The following CRACR2A variants were observed in gnomAD, a reference collection of about 807,000 sequenced individuals.
CRACR2A encodes the protein EF-hand calcium-binding domain-containing protein 4B.
In CRACR2A, 79 loss-of-function variants were observed where a neutral mutation model predicts 90.5. The observed-to-expected ratio is 0.87, with a 90% CI of 0.73 to 1.05. The LOEUF (loss-of-function observed/expected upper bound fraction) is 1.05. Among genes scored for constraint, CRACR2A ranks in the 50% least tolerant of loss-of-function variants. CRACR2A has a pLI of 0.00. For synonymous variants in CRACR2A, 338 were observed against 356.7 expected (o/e 0.95, Z 0.59); for missense variants, 823 against 897.2 (o/e 0.92, Z 1.06).
chr12:3,677,725 C>T (rs539122289), intron 6 of CRACR2A, among the ~76,000 whole-genome samples: 3 of 152,224 alleles, frequency 2.0e-5, no homozygotes, highest in East Asian at 1.9e-4. Flanking sequence ...CTGCCAGCTA[C>T]ACCTTCTGTG....
chr12:3,630,689 AG>A (rs1350223424), intron 15 of CRACR2A, among the ~76,000 whole-genome samples: 1 of 152,212 alleles, frequency 6.6e-6, no homozygotes, highest in Non-Finnish European at 1.5e-5. Context: ...ACCATTCCCA[AG>A]GTTCCTTCCA....
intron 4 of CRACR2A, 32 bp from the exon 5 acceptor site, chr12:3,680,381 C>G (rs751093846): frequency 5.1e-6 from 8 of 1,567,930 alleles, no homozygotes; most frequent in Admixed American, 1.7e-5. Context: ...CTGGTTAACA[C>G]TGACACTCAC....
chr12:3,663,720 T>C (rs1407680990), intron 7 of CRACR2A, among the ~76,000 whole-genome samples: 1 of 152,222 alleles, frequency 6.6e-6, no homozygotes, highest in Non-Finnish European at 1.5e-5. Context: ...GAGCTGACTA[T>C]TACCTCTCTT....
chr12:3,699,953 T>C (rs1039478712), intron 3 of CRACR2A, among the ~76,000 whole-genome samples: 1 of 152,144 alleles, frequency 6.6e-6, no homozygotes, highest in Non-Finnish European at 1.5e-5. Flanking sequence ...AGAAAAGATG[T>C]AGTATCAGAG....
At chr12:3,728,318 C>A (rs241973) in intron 2 of CRACR2A, 36,869 of 152,268 alleles carry the variant, frequency 0.24, 4,601 homozygotes, top group South Asian at 0.29. Flanking sequence ...CCTCCCCAAC[C>A]CCTCTGCCCG....
At chr12:3,736,934 C>T (rs537770197) in intron 1 of CRACR2A, among the ~76,000 whole-genome samples, 3 of 152,314 alleles carry the variant, frequency 2.0e-5, no homozygotes, top group East Asian at 3.9e-4. Flanking sequence ...TTCACAGATG[C>T]ATTCTCCAAT....
chr12:3,720,402 G>A (rs1281463728), intron 2 of CRACR2A, among the ~76,000 whole-genome samples: 5 of 60,412 alleles, frequency 8.3e-5, no homozygotes, highest in East Asian at 6.0e-4. Context: ...GGGGAGGGAC[G>A]GAGTGAGAGA....
At chr12:3,696,004 A>G (rs190447787) in intron 4 of CRACR2A, among the ~76,000 whole-genome samples, 5 of 152,350 alleles carry the variant, frequency 3.3e-5, no homozygotes, top group Admixed American at 3.3e-4. Context: ...ACATTTTTAA[A>G]TGGTCAAAAA....
At chr12:3,622,749 T>C (rs1357431157) in intron 17 of CRACR2A, among the ~76,000 whole-genome samples, 1 of 152,124 alleles carries the variant, frequency 6.6e-6, no homozygotes, top group African/African-American at 2.4e-5. Context: ...TTTCAGCACA[T>C]TAAAGCATGC....
At chr12:3,671,532 C>G (rs1234795971) in intron 7 of CRACR2A, among the ~76,000 whole-genome samples, 1 of 152,140 alleles carries the variant, frequency 6.6e-6, no homozygotes, top group African/African-American at 2.4e-5. Context: ...GGACACCCTG[C>G]TAAAATGCAG....
At chr12:3,677,402 T>C (rs1349092633) in intron 6 of CRACR2A, among the ~76,000 whole-genome samples, 4 of 150,624 alleles carry the variant, frequency 2.7e-5, no homozygotes, top group Non-Finnish European at 5.9e-5. Context: ...CAAAACCTCC[T>C]CTTCTTCGGG....
intron 12 of CRACR2A, among the ~76,000 whole-genome samples, chr12:3,643,861 T>TA (rs376983967): frequency 6.5e-4 from 27 of 41,272 alleles, no homozygotes; most frequent in African/African-American, 1.9e-3. Context: ...TATATTTATA[T>TA]TATATATATT....
chr12:3,703,520 T>C (rs910248566), intron 3 of CRACR2A, among the ~76,000 whole-genome samples: 2 of 152,376 alleles, frequency 1.3e-5, no homozygotes, highest in Non-Finnish European at 1.5e-5. Flanking sequence ...TGGCAAAAGT[T>C]TCTTGGGTAT....
At chr12:3,695,097 T>G (rs1945716266) in intron 4 of CRACR2A, among the ~76,000 whole-genome samples, 1 of 152,172 alleles carries the variant, frequency 6.6e-6, no homozygotes, top group Non-Finnish European at 1.5e-5. Flanking sequence ...GAGAGTTAAT[T>G]AGGTTATATA....
intron 1 of CRACR2A, among the ~76,000 whole-genome samples, chr12:3,743,868 TGG>T (rs1946568686): frequency 6.6e-6 from 1 of 152,000 alleles, no homozygotes; most frequent in Admixed American, 6.6e-5. Flanking sequence ...TTGCAGTCCA[TGG>T]GGAGGGTAAT....
intron 17 of CRACR2A, among the ~76,000 whole-genome samples, chr12:3,624,172 G>A (rs1944211073): frequency 6.6e-6 from 1 of 152,174 alleles, no homozygotes; most frequent in African/African-American, 2.4e-5. Context: ...TACAGCAACT[G>A]AAGCCCTTTT....
At chr12:3,698,590 A>G (rs768907986) in intron 3 of CRACR2A, among the ~76,000 whole-genome samples, 2 of 152,236 alleles carry the variant, frequency 1.3e-5, no homozygotes, top group African/African-American at 2.4e-5. Context: ...GTGTGGCTGA[A>G]CATGTAATTC....
At chr12:3,637,822 C>T (rs1051191786) in intron 14 of CRACR2A, among the ~76,000 whole-genome samples, 1 of 152,234 alleles carries the variant, frequency 6.6e-6, no homozygotes, top group African/African-American at 2.4e-5. Context: ...GAAGGCACCC[C>T]TCTGCGAAGA....
At chr12:3,705,769 G>T (rs1945907921) in intron 3 of CRACR2A, among the ~76,000 whole-genome samples, 1 of 152,186 alleles carries the variant, frequency 6.6e-6, no homozygotes. Flanking sequence ...TAAACTGTGG[G>T]GTCCGCACTA....
Sources: allele counts gnomAD v4.1 joint callset (sites outside exome capture counted in the v4.1 genomes callset), GRCh38; gene constraint gnomAD v4.1.1; transcripts MANE v1.5; gene names NCBI Gene and HGNC (gene_info 2026-07-23, HGNC 2026-07-21).